CHCHD6: variants seen among roughly 807,000 people sequenced by gnomAD.
CHCHD6 encodes MICOS complex subunit MIC25.
Under a neutral mutation model 32.3 loss-of-function variants are expected in CHCHD6, and 28 were observed. That is an observed-to-expected ratio of 0.87 (90% CI 0.64 to 1.19). The LOEUF is 1.19. Among genes scored for constraint, CHCHD6 ranks in the 50% most tolerant of loss-of-function variants. The pLI is 0.00. For missense variants in CHCHD6, 333 were observed against 307.0 expected, an observed-to-expected ratio of 1.08 and a Z score of -0.63; for synonymous variants, 122 against 117.5, an observed-to-expected ratio of 1.04 and a Z score of -0.25.
At chr3:126,757,533 C>CA (rs749834000) in intron 4 of CHCHD6, among the ~76,000 whole-genome samples, 9 of 152,160 alleles carry the variant, frequency 5.9e-5, no homozygotes, top group Non-Finnish European at 1.0e-4. Context: ...ACTTCCGCAG[C>CA]AAGCTCAAAC....
In CHCHD6 at chr3:126,704,282, C is replaced by T. The variant is rs200230339; in HGVS notation, c.-31C>T. The T allele has an allele frequency of 5.4e-5, 85 of 1,579,740 alleles. 1 individual carries two copies. The African/African-American group carries it at 9.0e-4, about 17-fold the overall frequency. On this transcript the variant is annotated 5_prime_UTR_variant, in exon 1 of 8. Transcript: ENST00000290913. Reference sequence around the variant, plus strand: ...GTTGCTCTGGAGCCGGGTCTCGGGTCTGGTGGCTGCCGGCCCTGCGGCATC... The same window carrying T: ...GTTGCTCTGGAGCCGGGTCTCGGGTTTGGTGGCTGCCGGCCCTGCGGCATC...
intron 4 of CHCHD6, among the ~76,000 whole-genome samples, chr3:126,774,362 A>G (rs967517359): frequency 1.3e-5 from 2 of 152,238 alleles, no homozygotes; most frequent in African/African-American, 4.8e-5. Context: ...TAAGGATAGT[A>G]GAGAGAGGGC....
At chr3:126,874,591 A>C (rs1392036402) in intron 5 of CHCHD6, among the ~76,000 whole-genome samples, 1 of 152,176 alleles carries the variant, frequency 6.6e-6, no homozygotes, top group Non-Finnish European at 1.5e-5. Flanking sequence ...CTACCACAGC[A>C]GAAGACTCAT....
chr3:126,804,548 A>C (rs932703132), intron 4 of CHCHD6, among the ~76,000 whole-genome samples: 5 of 152,188 alleles, frequency 3.3e-5, no homozygotes, highest in Admixed American at 1.3e-4. Context: ...CAATAACAGG[A>C]TCTGAAATTG....
intron 5 of CHCHD6, among the ~76,000 whole-genome samples, chr3:126,867,846 G>T (rs1324627077): frequency 6.6e-6 from 1 of 152,170 alleles, no homozygotes; most frequent in Admixed American, 6.5e-5. Context: ...CACTTGAACT[G>T]AAGCTAAAAC....
chr3:126,711,446 C>G (rs1934745574), intron 1 of CHCHD6, among the ~76,000 whole-genome samples: 1 of 152,164 alleles, frequency 6.6e-6, no homozygotes, highest in Non-Finnish European at 1.5e-5. Flanking sequence ...TATATGATTA[C>G]TTTTCCTGTT....
At chr3:126,734,382 G>A (rs925875203) in intron 4 of CHCHD6, among the ~76,000 whole-genome samples, 6 of 152,212 alleles carry the variant, frequency 3.9e-5, no homozygotes, top group African/African-American at 1.4e-4. Context: ...TAGGTGGGTA[G>A]CCTCGTACAC....
chr3:126,902,356 T>C (rs1259367266), intron 5 of CHCHD6, among the ~76,000 whole-genome samples: 2 of 152,196 alleles, frequency 1.3e-5, no homozygotes, highest in East Asian at 1.9e-4. Flanking sequence ...GCTGCAGATA[T>C]ATGAAGGATA....
chr3:126,936,659 G>A (rs1331339701), intron 6 of CHCHD6, among the ~76,000 whole-genome samples: 3 of 152,098 alleles, frequency 2.0e-5, no homozygotes, highest in South Asian at 2.1e-4. Context: ...AGGTTCAAGC[G>A]ATTCTCCTAC....
At chr3:126,801,647 A>C (rs529733647) in intron 4 of CHCHD6, among the ~76,000 whole-genome samples, 2 of 152,334 alleles carry the variant, frequency 1.3e-5, no homozygotes, top group East Asian at 3.9e-4. Context: ...ACAGACAAAC[A>C]AAAAGACAGC....
Position 126,862,225 on chromosome 3 carries a change from TCCTCCTCCTCCATCACCA to T in CHCHD6, c.495+9507_495+9524del, listed in dbSNP as rs1184643504. On this transcript the variant is annotated intron_variant, in intron 5 of 7. Coordinates refer to ENST00000290913, the MANE Select transcript of CHCHD6 (RefSeq NM_032343.3). ...CTCCTCCACCATCATCACCACCTCC[TCCTCCTCCTCCATCACCA>T]CCTCCTCCTCCTCCTCCATCACCTC... Among the ~76,000 whole-genome samples the T allele has an allele frequency of 2.0e-3, 194 of 98,878 alleles. 1 individual carries two copies. The highest frequency in any genetic ancestry group is 2.6e-3 in the Non-Finnish European group (124 of 47,290). The allele number at this position is 98,878 out of a possible 152,430, so 64.9% of individuals were successfully genotyped here. A position where few individuals can be genotyped will look rare whatever the true frequency, so the allele number is the denominator to read the frequency against.
At chr3:126,864,446 A>G (rs956294225) in intron 5 of CHCHD6, among the ~76,000 whole-genome samples, 2 of 111,468 alleles carry the variant, frequency 1.8e-5, no homozygotes, top group African/African-American at 7.1e-5. Flanking sequence ...CTTCACCATC[A>G]TCACTGCCAC....
chr3:126,825,358 C>T (rs1940344248), intron 4 of CHCHD6, among the ~76,000 whole-genome samples: 1 of 151,958 alleles, frequency 6.6e-6, no homozygotes, highest in African/African-American at 2.4e-5. Context: ...GAAAATGTTC[C>T]ATTGCGCTTG....
Position 126,957,418 on chromosome 3 carries a change from C to G in CHCHD6, c.569C>G (p.Pro190Arg). ...CTGCCTGCTCTTGTCTTCTGCAGGC[C>G]CCGCAGGGTGGAGCCCGTCTGCTCA... ...AASKMESTIKPRRVEPVCSGL... is the reference protein window; with the variant it reads ...AASKMESTIKRRRVEPVCSGL... The change falls in exon 7 of 8, where the codon CCC becomes CGC. Residue 190 changes from proline to arginine, a missense_variant and splice_region_variant. Coordinates refer to ENST00000290913, the MANE Select transcript of CHCHD6 (RefSeq NM_032343.3). 1 of 1,610,690 alleles carries G rather than the reference C, an allele frequency of 6.2e-7. No homozygotes were observed. Among genetic ancestry groups the G allele is most frequent in the Non-Finnish European group, 8.5e-7 (1 of 1,179,154 alleles).
intron 4 of CHCHD6, among the ~76,000 whole-genome samples, chr3:126,806,881 A>C (rs1939409977): frequency 6.6e-6 from 1 of 152,032 alleles, no homozygotes; most frequent in African/African-American, 2.4e-5. Flanking sequence ...AAAAATGATG[A>C]GTTCATGTCC....
chr3:126,730,251 G>A (rs1415304446), intron 2 of CHCHD6, among the ~76,000 whole-genome samples: 1 of 152,174 alleles, frequency 6.6e-6, no homozygotes, highest in Admixed American at 6.5e-5. Flanking sequence ...CTTAGGAGAT[G>A]ACCTGGATTC....
intron 6 of CHCHD6, among the ~76,000 whole-genome samples, chr3:126,943,001 A>G (rs1322193910): frequency 2.0e-5 from 3 of 151,938 alleles, no homozygotes; most frequent in Non-Finnish European, 2.9e-5. Flanking sequence ...CTCCTTTTCC[A>G]TGTGTAAATC....
intron 4 of CHCHD6, among the ~76,000 whole-genome samples, chr3:126,807,791 A>G (rs1173603130): frequency 6.6e-6 from 1 of 152,236 alleles, no homozygotes; most frequent in Non-Finnish European, 1.5e-5. Context: ...CCTGCTGTAT[A>G]ACAAATTACT....
chr3:126,851,001 G>T (rs941368739), intron 4 of CHCHD6, among the ~76,000 whole-genome samples: 1 of 152,298 alleles, frequency 6.6e-6, no homozygotes, highest in Middle Eastern at 3.4e-3. Context: ...AGCTGCCTGG[G>T]GATCCAGGTT....
Sources: allele counts gnomAD v4.1 joint callset (sites outside exome capture counted in the v4.1 genomes callset), GRCh38; gene constraint gnomAD v4.1.1; transcripts MANE v1.5; gene names NCBI Gene and HGNC (gene_info 2026-07-23, HGNC 2026-07-21).